Variants in ARMH3 observed in about 807,000 individuals in gnomAD.
ARMH3 encodes armadillo-like helical domain-containing protein 3.
ARMH3 carries 60 observed loss-of-function variants against 99.1 expected under a neutral mutation model. The ratio of observed to expected loss-of-function variants is 0.61; its 90% confidence interval spans 0.49 to 0.75. ARMH3 has a LOEUF of 0.75. Among genes scored for constraint, ARMH3 ranks in the 30% least tolerant of loss-of-function variants. The probability of loss-of-function intolerance (pLI) is 0.00; values close to 1 mark genes in which losing one functional copy is unlikely to be tolerated. For missense variants in ARMH3, 679 were observed against 843.1 expected, an observed-to-expected ratio of 0.81 and a Z score of 2.41; for synonymous variants, 285 against 292.8, an observed-to-expected ratio of 0.97 and a Z score of 0.27.
intron 1 of ARMH3, among the ~76,000 whole-genome samples, chr10:102,049,730 T>C (rs2067649437): frequency 6.6e-6 from 1 of 151,732 alleles, no homozygotes; most frequent in African/African-American, 2.4e-5. Flanking sequence ...TAACTTTTCA[T>C]ATTTTTTGTA....
rs117928776 is a variant in ARMH3 at position 101,981,198 on chromosome 10, G to C, written c.1407-5898C>G. Among the ~76,000 whole-genome samples the C allele has an allele frequency of 5.3e-5, 8 of 151,512 alleles. No homozygotes were observed. In the East Asian group the frequency reaches 1.5e-3, roughly 29 times the overall value. On this transcript the variant is annotated intron_variant, in intron 19 of 25. Coordinates refer to ENST00000370033, the MANE Select transcript of ARMH3 (RefSeq NM_024541.3). ...TTAAGAAGAAATAATGAAAAAAAAA[G>C]AAAAAGAAAAAAAACAGGGGTAGCT...
intron 20 of ARMH3, among the ~76,000 whole-genome samples, chr10:101,962,040 G>T (rs1478754007): frequency 6.6e-6 from 1 of 152,132 alleles, no homozygotes; most frequent in African/African-American, 2.4e-5. Flanking sequence ...TTCACCAAAG[G>T]CCTGACTCCT....
Position 102,012,838 on chromosome 10 carries a change from G to A in ARMH3, c.765C>T (p.Tyr255=). 1 of 1,610,310 alleles carries A rather than the reference G, an allele frequency of 6.2e-7. No homozygotes were observed. The highest frequency in any genetic ancestry group is 8.5e-7 in the Non-Finnish European group (1 of 1,177,720). ...TTCTGGAAAGGTGGACTTACCTGTTGTACTCAGATAAAGCCTGAGCAATTA... is the reference window on the plus strand; with the variant it reads ...TTCTGGAAAGGTGGACTTACCTGTTATACTCAGATAAAGCCTGAGCAATTA... The part of the protein sequence containing the change: ...GLVIAQALSE[Y]NRQYKDKEEE... Residue 255 remains tyrosine (Y), a synonymous_variant, in exon 10 of 26, where the codon TAC becomes TAT. Coordinates refer to ENST00000370033, the MANE Select transcript of ARMH3 (RefSeq NM_024541.3).
At chr10:101,851,213 G>C (rs948375233) in intron 24 of ARMH3, among the ~76,000 whole-genome samples, 7 of 152,158 alleles carry the variant, frequency 4.6e-5, no homozygotes, top group African/African-American at 1.2e-4. Flanking sequence ...CAGGAAACTT[G>C]ACTATCTGTG....
chr10:101,966,624 C>G (rs1845556553), intron 20 of ARMH3, among the ~76,000 whole-genome samples: 1 of 152,072 alleles, frequency 6.6e-6, no homozygotes, highest in African/African-American at 2.4e-5. Context: ...CACAGTGCCC[C>G]CAACACACAC....
intron 23 of ARMH3, among the ~76,000 whole-genome samples, chr10:101,916,756 C>T (rs1310323238): frequency 1.3e-5 from 2 of 152,100 alleles, no homozygotes; most frequent in African/African-American, 4.8e-5. Flanking sequence ...TAAAGAAGAT[C>T]CACCCTCACC....
chr10:101,914,154 C>T (rs2135562371), intron 23 of ARMH3, among the ~76,000 whole-genome samples: 1 of 152,148 alleles, frequency 6.6e-6, no homozygotes, highest in South Asian at 2.1e-4. Context: ...TATGAATAGT[C>T]AGTAAATTGG....
rs746136748 is a variant in ARMH3 at position 101,888,994 on chromosome 10, A to T, written c.1860+418T>A. On this transcript the variant is annotated intron_variant, in intron 24 of 25. Transcript: ENST00000370033. ...CAATTACTAAGGAAAATCTGTCCCA[A>T]TGAGGGCTCATGTTTTAACGAGCCA... Among the ~76,000 whole-genome samples the T allele has an allele frequency of 2.6e-5, 4 of 152,230 alleles. 1 individual carries two copies. The highest frequency in any genetic ancestry group is 4.4e-5 in the Non-Finnish European group (3 of 68,030).
intron 24 of ARMH3, among the ~76,000 whole-genome samples, chr10:101,862,821 A>G (rs72844670): frequency 5.3e-5 from 8 of 152,330 alleles, no homozygotes; most frequent in Non-Finnish European, 1.0e-4. Context: ...TTATATTCAT[A>G]AATAAGTTCA....
rs955962077 is a variant in ARMH3 at position 101,902,333 on chromosome 10, A to G, written c.1782-12843T>C. Among the ~76,000 whole-genome samples, 11 of 152,180 alleles carry G rather than the reference A, an allele frequency of 7.2e-5. No homozygotes were observed. The South Asian group carries it at 8.3e-4, about 11-fold the overall frequency. ...TAACTAGTTTAAAAAGCCAAAGACCATATGTCTATTACTCAGAGGAACAGA... is the reference window on the plus strand; with the variant it reads ...TAACTAGTTTAAAAAGCCAAAGACCGTATGTCTATTACTCAGAGGAACAGA... On this transcript the variant is annotated intron_variant, in intron 23 of 25. Transcript: ENST00000370033.
intron 19 of ARMH3, among the ~76,000 whole-genome samples, chr10:101,978,125 C>T (rs1234913416): frequency 1.3e-5 from 2 of 152,176 alleles, no homozygotes; most frequent in Non-Finnish European, 2.9e-5. Context: ...CATGATTCTA[C>T]TTTTGCATAT....
At position 101,877,673 on chromosome 10, in the gene ARMH3, T is replaced by G. The variant is rs571616284; in HGVS notation, c.1860+11739A>C. Among the ~76,000 whole-genome samples, 6 of 152,086 alleles carry G rather than the reference T, an allele frequency of 3.9e-5. No individual in the cohort carries two copies. In the South Asian group the frequency reaches 1.2e-3, roughly 32 times the overall value. ...TTTGTCTTTAAAAAAAAAAAAAATT[T>G]TTTTAAAGCTGACAATTACTAGAAT... On this transcript the variant is annotated intron_variant, in intron 24 of 25. Transcript: ENST00000370033.
At chr10:101,909,978 C>T (rs1265436081) in intron 23 of ARMH3, among the ~76,000 whole-genome samples, 2 of 152,086 alleles carry the variant, frequency 1.3e-5, no homozygotes, top group East Asian at 3.8e-4. Context: ...ATTAAAGTTA[C>T]ATGTGACTCA....
chr10:102,007,933 G>C lies in ARMH3; in HGVS notation c.955-1300C>G, dbSNP rs11191181. Among the ~76,000 whole-genome samples the C allele has an allele frequency of 7.3e-5, 11 of 151,084 alleles. No individual in the cohort carries two copies. The East Asian group carries it at 7.8e-4, about 11-fold the overall frequency. On this transcript the variant is annotated intron_variant, in intron 13 of 25. Coordinates refer to ENST00000370033, the MANE Select transcript of ARMH3 (RefSeq NM_024541.3). The stretch of plus-strand genomic sequence containing the variant: ...GTGTGTGCCTTCATTGGGAGGCAAA[G>C]ACATGGTGAGACACCCAGTAGGGAC...
chr10:101,874,893 CGTT>C (rs1371615961), intron 24 of ARMH3, among the ~76,000 whole-genome samples: 1 of 152,016 alleles, frequency 6.6e-6, no homozygotes, highest in Non-Finnish European at 1.5e-5. Context: ...GTGAAGACTC[CGTT>C]CATGTACATC....
chr10:101,985,076 T>TACACACACACAC (rs796894243), intron 19 of ARMH3, among the ~76,000 whole-genome samples: 16 of 129,068 alleles, frequency 1.2e-4, no homozygotes, highest in South Asian at 4.9e-4. Flanking sequence ...TAAAAATATA[T>TACACACACACAC]ATACACACAC....
At chr10:102,007,159 C>CAAAAAAAAAAAAAAA (rs10639768) in intron 13 of ARMH3, among the ~76,000 whole-genome samples, 5 of 60,044 alleles carry the variant, frequency 8.3e-5, no homozygotes, top group East Asian at 6.5e-4. Context: ...GACTCTATCT[C>CAAAAAAAAAAAAAAA]AAAAAAAAAA....
intron 23 of ARMH3, among the ~76,000 whole-genome samples, chr10:101,898,688 G>A (rs936205539): frequency 3.3e-5 from 5 of 151,470 alleles, no homozygotes; most frequent in East Asian, 3.9e-4. Context: ...GCGCACACGC[G>A]CACACACACA....
At chr10:101,877,111 T>C (rs2067287988) in intron 24 of ARMH3, among the ~76,000 whole-genome samples, 1 of 152,030 alleles carries the variant, frequency 6.6e-6, no homozygotes, top group South Asian at 2.1e-4. Context: ...CAGCTGGGAC[T>C]GGCAACACAG....
Sources: allele counts gnomAD v4.1 joint callset (sites outside exome capture counted in the v4.1 genomes callset), GRCh38; gene constraint gnomAD v4.1.1; transcripts MANE v1.5; gene names NCBI Gene and HGNC (gene_info 2026-07-23, HGNC 2026-07-21).